THSD7B: variants seen among roughly 807,000 people sequenced by gnomAD.
THSD7B encodes the protein thrombospondin type 1 domain containing 7B, also known as thrombospondin type-1 domain-containing protein 7B.
In THSD7B, 138 loss-of-function variants were observed where a neutral mutation model predicts 213.6. That is an observed-to-expected ratio of 0.65 (90% CI 0.56 to 0.74). The LOEUF is 0.74. Ranked by LOEUF, THSD7B falls within the 30% of genes least tolerant of loss-of-function variation. THSD7B has a pLI of 0.00. For synonymous variants in THSD7B, 742 were observed against 687.0 expected (o/e 1.08, Z -1.25); for missense variants, 1,931 against 1,991.5 (o/e 0.97, Z 0.58).
intron 15 of THSD7B, among the ~76,000 whole-genome samples, chr2:137,551,401 A>G (rs1680845791): frequency 6.6e-6 from 1 of 152,150 alleles, no homozygotes; most frequent in Non-Finnish European, 1.5e-5. Flanking sequence ...AATGGTGCCT[A>G]CATTCATTTG....
At chr2:137,541,169 A>G (rs1256458183) in intron 15 of THSD7B, among the ~76,000 whole-genome samples, 1 of 151,780 alleles carries the variant, frequency 6.6e-6, no homozygotes, top group Non-Finnish European at 1.5e-5. Context: ...GAGTTATTTC[A>G]GAAAAGTAAC....
At chr2:137,247,727 G>C (rs1024364543) in intron 10 of THSD7B, among the ~76,000 whole-genome samples, 10 of 152,072 alleles carry the variant, frequency 6.6e-5, no homozygotes, top group African/African-American at 2.2e-4. Flanking sequence ...ATTTCCTCCT[G>C]TGTCAACCCT....
intron 17 of THSD7B, among the ~76,000 whole-genome samples, chr2:137,596,493 C>T (rs1275947644): frequency 2.6e-5 from 4 of 152,032 alleles, no homozygotes; most frequent in Admixed American, 6.6e-5. Context: ...GTTAAGCATA[C>T]TCTGATCAAA....
At chr2:137,298,939 G>C (rs572494439) in intron 12 of THSD7B, among the ~76,000 whole-genome samples, 58 of 152,278 alleles carry the variant, frequency 3.8e-4, no homozygotes, top group African/African-American at 1.4e-3. Flanking sequence ...CCCACACAGA[G>C]TCCCTAGTGG....
chr2:137,495,470 T>C (rs1679539691), intron 15 of THSD7B, among the ~76,000 whole-genome samples: 1 of 152,128 alleles, frequency 6.6e-6, no homozygotes, highest in Non-Finnish European at 1.5e-5. Flanking sequence ...CCCTGGGGTT[T>C]ACACCCTCAG....
intron 1 of THSD7B, among the ~76,000 whole-genome samples, chr2:136,780,764 T>C (rs1681726726): frequency 6.6e-6 from 1 of 152,224 alleles, no homozygotes; most frequent in African/African-American, 2.4e-5. Context: ...AAATCTGATC[T>C]CTTTAGATGT....
At chr2:137,115,318 T>C (rs886245631) in intron 5 of THSD7B, 25 bp downstream of exon 5, 2 of 1,517,686 alleles carry the variant, frequency 1.3e-6, no homozygotes, top group Middle Eastern at 1.8e-4. Flanking sequence ...CCGGGACAGA[T>C]GGTGCACTGC....
At chr2:136,850,138 A>G (rs1283685018) in intron 1 of THSD7B, among the ~76,000 whole-genome samples, 2 of 152,038 alleles carry the variant, frequency 1.3e-5, no homozygotes, top group Admixed American at 6.5e-5. Flanking sequence ...TACTTTATGT[A>G]TCATTCTGCA....
At chr2:137,238,714 C>T (rs1263965881) in intron 9 of THSD7B, among the ~76,000 whole-genome samples, 3 of 149,430 alleles carry the variant, frequency 2.0e-5, no homozygotes, top group Middle Eastern at 3.4e-3. Flanking sequence ...CCACCGCGCC[C>T]GGCTAATTTT....
At chr2:137,546,350 CAT>C (rs200045446) in intron 15 of THSD7B, among the ~76,000 whole-genome samples, 1 of 61,382 alleles carries the variant, frequency 1.6e-5, no homozygotes, top group East Asian at 3.9e-4. Context: ...TTGAAGTCAG[CAT>C]ATATATATAT....
chr2:137,662,212 G>A (rs1231243885), intron 25 of THSD7B, among the ~76,000 whole-genome samples: 1 of 143,852 alleles, frequency 7.0e-6, no homozygotes, highest in South Asian at 2.2e-4. Flanking sequence ...ACAGATGCCC[G>A]CCACGACGCC....
chr2:137,672,542 C>T (rs1048469865), intron 27 of THSD7B, among the ~76,000 whole-genome samples: 16 of 152,244 alleles, frequency 1.1e-4, no homozygotes, highest in African/African-American at 2.6e-4. Flanking sequence ...TATAAAAACA[C>T]GTACCTTTTA....
chr2:137,325,167 T>TTTTTTGTTTTTGTTTTTGTTTTTG (rs58701499), intron 12 of THSD7B, among the ~76,000 whole-genome samples: 1 of 151,680 alleles, frequency 6.6e-6, no homozygotes, highest in Admixed American at 6.6e-5. Context: ...TGTTTTTTGT[T>TTTTTTGTTTTTGTTTTTGTTTTTG]TTTTTGTTTT....
chr2:137,494,200 G>C lies in THSD7B; in HGVS notation c.3138+43177G>C, dbSNP rs144208785. On this transcript the variant is annotated intron_variant, in intron 15 of 27. Coordinates refer to ENST00000409968, the MANE Select transcript of THSD7B (RefSeq NM_001316349.2). ...AGTCTGCCTCACAGCCTTATTAATA[G>C]AGCATAGTATGCTGAATGAAATAAA... Among the ~76,000 whole-genome samples the C allele has an allele frequency of 6.8e-3, 1,040 of 152,242 alleles. 9 individuals are homozygous for C. Among genetic ancestry groups the C allele is most frequent in the African/African-American group, 0.024 (982 of 41,546 alleles).
chr2:137,085,526 T>G (rs1242779845), intron 3 of THSD7B, among the ~76,000 whole-genome samples: 1 of 152,010 alleles, frequency 6.6e-6, no homozygotes, highest in African/African-American at 2.4e-5. Context: ...AAAATCTAAT[T>G]GCAAAATAAG....
At chr2:136,925,298 A>G (rs1448648227) in intron 2 of THSD7B, among the ~76,000 whole-genome samples, 1 of 152,166 alleles carries the variant, frequency 6.6e-6, no homozygotes, top group East Asian at 1.9e-4. Flanking sequence ...AGTATGTTAT[A>G]GGCATGGACT....
chr2:137,295,608 T>C (rs1367569835), intron 12 of THSD7B, among the ~76,000 whole-genome samples: 1 of 152,052 alleles, frequency 6.6e-6, no homozygotes, highest in African/African-American at 2.4e-5. Context: ...CCTGAGTAGC[T>C]GGGATTACAG....
At chr2:137,601,562 G>A (rs370638512) in intron 17 of THSD7B, among the ~76,000 whole-genome samples, 5 of 152,232 alleles carry the variant, frequency 3.3e-5, no homozygotes, top group East Asian at 3.9e-4. Flanking sequence ...TACATTTTAT[G>A]ATATTCATAC....
chr2:136,788,661 A>G lies in THSD7B; in HGVS notation c.-36+22974A>G, dbSNP rs75815028. 2.5e-3 allele frequency among the ~76,000 whole-genome samples: 375 copies of G among 152,276 alleles called. 3 individuals are homozygous for G. The highest frequency in any genetic ancestry group is 8.8e-3 in the African/African-American group (365 of 41,562). ...ATTAATTTCTTAGAACTAAAGCAGGATAAATACTCCTGCTGAAGTGTGTGC... is the reference window on the plus strand; with the variant it reads ...ATTAATTTCTTAGAACTAAAGCAGGGTAAATACTCCTGCTGAAGTGTGTGC... On this transcript the variant is annotated intron_variant, in intron 1 of 27. Transcript: ENST00000409968.
Sources: gnomAD v4.1 joint callset for allele counts (sites outside exome capture counted in the v4.1 genomes callset) on GRCh38, gnomAD v4.1.1 for gene constraint, MANE v1.5 for transcripts, NCBI Gene and HGNC (gene_info 2026-07-23, HGNC 2026-07-21) for gene names.